Variants in LTBP4 observed in about 807,000 individuals in gnomAD.
LTBP4 encodes latent-transforming growth factor beta-binding protein 4.
In LTBP4, 93 loss-of-function variants were observed where a neutral mutation model predicts 180.2. That is an observed-to-expected ratio of 0.52 (90% CI 0.44 to 0.61). The LOEUF (loss-of-function observed/expected upper bound fraction) is 0.61, where lower values mean the gene tolerates loss of function less well. Ranked by LOEUF, LTBP4 falls within the 20% of genes least tolerant of loss-of-function variation. The pLI is 0.00. For missense variants in LTBP4, 2,116 were observed against 2,256.5 expected (o/e 0.94, Z 1.26); for synonymous variants, 947 against 934.5 (o/e 1.01, Z -0.24).
chr19:40,627,506 G>A (rs901230330), intron 28 of LTBP4, among the ~76,000 whole-genome samples, 151 bp downstream of exon 28: 3 of 152,176 alleles, frequency 2.0e-5, no homozygotes, highest in African/African-American at 7.2e-5. Context: ...CTATAGCCCG[G>A]CAAAGAAAGA....
Position 40,605,669 on chromosome 19 carries a change from G to A in LTBP4, c.690+17G>A. The A allele has an allele frequency of 6.4e-7, 1 of 1,554,536 alleles. No individual in the cohort carries two copies. Among genetic ancestry groups the A allele is most frequent in the Non-Finnish European group, 8.7e-7 (1 of 1,150,082 alleles). ...GGAGGCGAAGTGAGAGGAGGCCCGTGGGGAGGGGCCCGGAGCTTGCCTCCG... is the reference window on the plus strand; with the variant it reads ...GGAGGCGAAGTGAGAGGAGGCCCGTAGGGAGGGGCCCGGAGCTTGCCTCCG... On this transcript the variant is annotated intron_variant, in intron 3 of 29. Coordinates refer to ENST00000396819, the MANE Select transcript of LTBP4 (RefSeq NM_001042545.2). The surrounding 1 kb of genome is among the most constrained non-coding windows in gnomAD (Gnocchi z 5.5).
At position 40,608,180 on chromosome 19, in the gene LTBP4, G is replaced by T. The variant is rs377174238; in HGVS notation, c.1157-40G>T. On this transcript the variant is annotated intron_variant, in intron 7 of 29. Transcript: ENST00000396819. ...CTGGGCTGGCCATCGTTTTCTTCCC[G>T]CTCTCTTGTCCTCTCTCTGTCTCTC... 16 of 1,611,478 alleles carry T rather than the reference G, an allele frequency of 9.9e-6. No individual in the cohort carries two copies. The African/African-American group carries it at 1.9e-4, about 19-fold the overall frequency.
At chr19:40,597,210 G>C, upstream of LTBP4, 4 of 1,439,684 alleles carry the variant, frequency 2.8e-6, no homozygotes, top group Non-Finnish European at 3.6e-6. Flanking sequence ...CCGCCCGCCC[G>C]GAGCGGGACT....
In LTBP4 at chr19:40,606,489, C is replaced by G; in HGVS notation, c.954C>G (p.Asp318Glu). 1 of 1,576,290 alleles carries G rather than the reference C, an allele frequency of 6.3e-7. No homozygotes were observed. The highest frequency in any genetic ancestry group is 2.4e-5 in the East Asian group (1 of 42,542). Residue 318 changes from aspartate (D) to glutamate (E), a missense_variant, in exon 6 of 30, where the codon GAC (aspartate) becomes GAG (glutamate). Physicochemically the swap from Asp to Glu is conservative, Grantham distance 45. This residue lies in a region of LTBP4 where 469 missense variants were observed against 532.5 expected (regional missense o/e 0.88). Transcript: ENST00000396819. ...GCGGGTACACGTGTGTGTGCCCCGACGGCTTTCTGCTCGACTCGTCCCGCA... is the reference window on the plus strand; with the variant it reads ...GCGGGTACACGTGTGTGTGCCCCGAGGGCTTTCTGCTCGACTCGTCCCGCA... ...TRGGYTCVCP[D>E]GFLLDSSRSS...
In LTBP4 at chr19:40,611,099, A is replaced by G. The variant is rs2081502142; in HGVS notation, c.1811-53A>G. 1.9e-6 allele frequency: 3 copies of G among 1,601,958 alleles called. No individual in the cohort carries two copies. In the South Asian group the frequency reaches 3.3e-5, roughly 18 times the overall value. Reference sequence around the variant, plus strand: ...GGAGGGTGGAAAGCCAAAGTGACAGAGGTCAGGGAGGCAGAGGGGAACAAG... The same window carrying G: ...GGAGGGTGGAAAGCCAAAGTGACAGGGGTCAGGGAGGCAGAGGGGAACAAG... On this transcript the variant is annotated intron_variant, in intron 12 of 29. Transcript: ENST00000396819. The surrounding 1 kb of genome is among the most constrained non-coding windows in gnomAD (Gnocchi z 4.4).
At chr19:40,599,569 T>A (rs369658361), upstream of LTBP4, 29 of 1,601,322 alleles carry the variant, frequency 1.8e-5, no homozygotes, top group African/African-American at 2.7e-5. Context: ...GAGTGGGCAG[T>A]CCCTCCCCTA....
At chr19:40,607,251 G>GCCCC in intron 6 of LTBP4, 114 bp from the exon 7 acceptor site, 10 of 812,762 alleles carry the variant, frequency 1.2e-5, no homozygotes, top group Non-Finnish European at 1.3e-5. Context: ...AATGCCCCTC[G>GCCCC]CACCCACCAA....
At chr19:40,621,393 C>A (rs1441319911) in intron 22 of LTBP4, among the ~76,000 whole-genome samples, 1 of 152,166 alleles carries the variant, frequency 6.6e-6, no homozygotes, top group Non-Finnish European at 1.5e-5. Flanking sequence ...TCTGTTTCTG[C>A]ATTAATTTGC....
chr19:40,626,825 C>A, intron 27 of LTBP4, 150 bp from the exon 28 acceptor site: 1 of 954,308 alleles, frequency 1.0e-6, no homozygotes, highest in Non-Finnish European at 1.4e-6. Flanking sequence ...CAGTCTCAGC[C>A]TTCAGATTCT....
At chr19:40,614,490 T>C (rs1342730792) in intron 19 of LTBP4, 44 bp downstream of exon 19, 2 of 1,574,090 alleles carry the variant, frequency 1.3e-6, no homozygotes, top group Admixed American at 3.6e-5. Context: ...TGCAACGCGG[T>C]GCTGGAGGCT....
At chr19:40,606,943 G>T (rs1369000838) in intron 6 of LTBP4, among the ~76,000 whole-genome samples, 1 of 152,180 alleles carries the variant, frequency 6.6e-6, no homozygotes, top group Non-Finnish European at 1.5e-5. Flanking sequence ...TAGAGACAGG[G>T]TTTCGCCACG....
Position 40,629,578 on chromosome 19 carries a change from G to A in LTBP4, c.*28G>A, listed in dbSNP as rs779948914. The A allele has an allele frequency of 4.5e-5, 61 of 1,352,954 alleles. No homozygotes were observed. Among genetic ancestry groups the A allele is most frequent in the Admixed American group, 3.9e-5 (1 of 25,858 alleles). 83.8% of individuals were successfully genotyped at this position (1,352,954 alleles called of 1,614,324 possible). A position where few individuals can be genotyped will look rare whatever the true frequency, so the allele number is the denominator to read the frequency against. On this transcript the variant is annotated 3_prime_UTR_variant, in exon 30 of 30. Coordinates refer to ENST00000396819, the MANE Select transcript of LTBP4 (RefSeq NM_001042545.2). This position sits in a 1 kb window ranked among gnomAD's most constrained non-coding sequence, Gnocchi z 4.5. ...CCTGGCACCCGCTGGCCGCCCACCC[G>A]CGCCCGCCACTCGGGGCCCCTGCCG...
chr19:40,620,649 G>A (rs1013598191), intron 22 of LTBP4, among the ~76,000 whole-genome samples: 10 of 150,784 alleles, frequency 6.6e-5, no homozygotes, highest in African/African-American at 1.2e-4. Flanking sequence ...AGTGGTGCAC[G>A]CCTGTAATCC....
In LTBP4 at chr19:40,613,264, GA is replaced by G; in HGVS notation, c.2431+71del. ...CTGGGTTCCAGGGCAAAGCCGGCTG[GA>G]AAGGTGGAGGCGGGACCAAGGCGCT... On this transcript the variant is annotated intron_variant, in intron 16 of 29. Transcript: ENST00000396819. This position sits in a 1 kb window ranked among gnomAD's most constrained non-coding sequence, Gnocchi z 5.0. 6.5e-7 allele frequency: 1 copy of G among 1,542,876 alleles called. No homozygotes were observed. Among genetic ancestry groups the G allele is most frequent in the Non-Finnish European group, 8.8e-7 (1 of 1,140,820 alleles).
intron 19 of LTBP4, among the ~76,000 whole-genome samples, chr19:40,614,876 G>T (rs1352149171): frequency 6.6e-6 from 1 of 152,016 alleles, no homozygotes. Flanking sequence ...GCCCAATCCC[G>T]GTGGCCCTAG....
chr19:40,623,574 C>A (rs753228728), intron 24 of LTBP4, 30 bp from the exon 25 acceptor site: 1 of 1,603,148 alleles, frequency 6.2e-7, no homozygotes, highest in Non-Finnish European at 8.5e-7. Flanking sequence ...ATCCAGCCCG[C>A]CCCCATCTCT....
At chr19:40,626,134 A>C in intron 27 of LTBP4, 125 bp downstream of exon 27, 1 of 1,075,914 alleles carries the variant, frequency 9.3e-7, no homozygotes, top group Non-Finnish European at 1.3e-6. Context: ...ACCAACCCCT[A>C]TGTCGCAGCC....
chr19:40,617,409 C>T (rs377587519), intron 21 of LTBP4, among the ~76,000 whole-genome samples, 184 bp downstream of exon 21: 1 of 152,060 alleles, frequency 6.6e-6, no homozygotes, highest in Non-Finnish European at 1.5e-5. Context: ...TTTGGGAGGC[C>T]GAGGCGGGCA....
In LTBP4 at chr19:40,626,970, C is replaced by A; in HGVS notation, c.3986-5C>A. 1.3e-6 allele frequency: 2 copies of A among 1,541,272 alleles called. No homozygotes were observed. The highest frequency in any genetic ancestry group is 1.4e-5 in the African/African-American group (1 of 73,290). The stretch of plus-strand genomic sequence containing the variant: ...CTGATTGTTTGCCTTGGCTCCTGTT[C>A]CCAGATGACTTCGAGGCCCTGTGCA... On this transcript the variant is annotated splice_polypyrimidine_tract_variant and splice_region_variant and intron_variant, in intron 27 of 29. Coordinates refer to ENST00000396819, the MANE Select transcript of LTBP4 (RefSeq NM_001042545.2).
Sources: allele counts gnomAD v4.1 joint callset (sites outside exome capture counted in the v4.1 genomes callset), GRCh38; gene constraint gnomAD v4.1.1; regional missense constraint gnomAD v4.1.1; non-coding constraint Gnocchi (gnomAD v3.1); transcripts MANE v1.5; gene names NCBI Gene and HGNC (gene_info 2026-07-23, HGNC 2026-07-21).